Variants in WNK2 observed in about 807,000 individuals in gnomAD.
WNK2 encodes WNK lysine deficient protein kinase 2, also known as serine/threonine-protein kinase WNK2.
WNK2 carries 67 observed loss-of-function variants against 192.1 expected under a neutral mutation model. The observed-to-expected ratio is 0.35, with a 90% CI of 0.29 to 0.43. The LOEUF (loss-of-function observed/expected upper bound fraction) is 0.43, where lower values mean the gene tolerates loss of function less well. Among genes scored for constraint, WNK2 ranks in the 20% least tolerant of loss-of-function variants. The pLI is 1.00. For missense variants in WNK2, 2,698 were observed against 3,089.7 expected (o/e 0.87, Z 3.01); for synonymous variants, 1,439 against 1,393.9 (o/e 1.03, Z -0.72).
intron 19 of WNK2, among the ~76,000 whole-genome samples, chr9:93,279,219 A>G (rs540765815): frequency 6.6e-6 from 1 of 152,370 alleles, no homozygotes; most frequent in East Asian, 1.9e-4. Context: ...TAGAAAAACA[A>G]ATGGAATCCC....
At chr9:93,293,781 C>G (rs556762570) in intron 23 of WNK2, among the ~76,000 whole-genome samples, 1 of 152,224 alleles carries the variant, frequency 6.6e-6, no homozygotes. Context: ...GTGTCTTCCT[C>G]ACCCTGTCTG....
intron 12 of WNK2, among the ~76,000 whole-genome samples, chr9:93,260,426 C>G (rs1357947278): frequency 6.6e-6 from 1 of 152,190 alleles, no homozygotes; most frequent in Non-Finnish European, 1.5e-5. Flanking sequence ...CTCCTCCTAC[C>G]TGGCCTTACC....
At chr9:93,201,953 T>A (rs1218441253) in intron 2 of WNK2, among the ~76,000 whole-genome samples, 1 of 152,164 alleles carries the variant, frequency 6.6e-6, no homozygotes, top group Non-Finnish European at 1.5e-5. Flanking sequence ...TGGAGCTCCT[T>A]GGGGCCTGGC....
At chr9:93,303,534 G>C (rs112437836) in intron 26 of WNK2, among the ~76,000 whole-genome samples, 79 of 152,324 alleles carry the variant, frequency 5.2e-4, no homozygotes, top group African/African-American at 1.7e-3. Flanking sequence ...GGTGGGGAGA[G>C]AGTGCATGCT....
chr9:93,234,388 C>T (rs965651888), intron 4 of WNK2, among the ~76,000 whole-genome samples: 2 of 152,156 alleles, frequency 1.3e-5, no homozygotes, highest in South Asian at 2.1e-4. Flanking sequence ...TAGGTAGCTC[C>T]GTAGCAACCC....
chr9:93,317,433 G>A, intron 28 of WNK2, 87 bp from the exon 29 acceptor site: 1 of 1,341,938 alleles, frequency 7.5e-7, no homozygotes, highest in Non-Finnish European at 1.0e-6. Context: ...TGAGGATGGA[G>A]AAACTGTGGC....
intron 28 of WNK2, chr9:93,315,975 C>A (rs1411466959): frequency 6.6e-6 from 1 of 152,070 alleles, no homozygotes; most frequent in Admixed American, 6.6e-5. Flanking sequence ...CAAATGAACT[C>A]TTGAGTATAT....
chr9:93,195,724 A>AAAAAAAAAAAAAG (rs1831151062), intron 2 of WNK2, among the ~76,000 whole-genome samples: 1 of 147,254 alleles, frequency 6.8e-6, no homozygotes. Flanking sequence ...AAAAAAAAAA[A>AAAAAAAAAAAAAG]GATGTTGCTG....
At position 93,317,554 on chromosome 9, in the gene WNK2, G is replaced by T; in HGVS notation, c.6551G>T (p.Arg2184Leu). ...CCTCGAGCAGGAGTGGGGATGCCAC[G>T]TCTGCCCCCAGCGCCCGGCCCTCTG... ...TAPRAGVGMP[R>L]LPPAPGPLST... The change falls in exon 29 of 30, where the codon CGT becomes CTT. Residue 2184 changes from arginine (R) to leucine (L), a missense_variant. Arg to Leu is a moderately radical substitution (Grantham distance 102). This residue lies in a region of WNK2 where 167 missense variants were observed against 184.2 expected (regional missense o/e 0.91). Transcript: ENST00000427277. The T allele has an allele frequency of 1.9e-6, 3 of 1,613,588 alleles. No individual in the cohort carries two copies. In the South Asian group the frequency reaches 3.3e-5, roughly 18 times the overall value.
rs1831255767 is a variant in WNK2 at position 93,196,236 on chromosome 9, A to G, written c.681+10626A>G. On this transcript the variant is annotated intron_variant, in intron 2 of 29. Coordinates refer to ENST00000427277, the MANE Select transcript of WNK2 (RefSeq NM_006648.4). ...CTCCCTCTGGTATTCACTCTCCCCA[A>G]TCCGCCCCTCACCCCTGCTTTCTGG... Among the ~76,000 whole-genome samples, 6 of 151,938 alleles carry G rather than the reference A, an allele frequency of 3.9e-5. No individual in the cohort carries two copies. The South Asian group carries it at 6.3e-4, about 16-fold the overall frequency.
At chr9:93,190,227 G>A (rs1199016485) in intron 2 of WNK2, among the ~76,000 whole-genome samples, 3 of 152,226 alleles carry the variant, frequency 2.0e-5, no homozygotes, top group Non-Finnish European at 2.9e-5. Flanking sequence ...AGAAATGTGG[G>A]CGCCAAGCTC....
chr9:93,281,955 C>A (rs1319911137), intron 19 of WNK2, among the ~76,000 whole-genome samples: 1 of 152,004 alleles, frequency 6.6e-6, no homozygotes, highest in East Asian at 1.9e-4. Context: ...CTTCACAGCT[C>A]AATTAAAGAA....
chr9:93,255,530 G>A (rs1588213797), intron 9 of WNK2, among the ~76,000 whole-genome samples: 2 of 152,132 alleles, frequency 1.3e-5, no homozygotes, highest in African/African-American at 4.8e-5. Flanking sequence ...AGCACCCACC[G>A]CGAAAGACAA....
rs1828837051 is a variant in WNK2, at chr9:93,184,205, G to C, written c.-183G>C. ...GCGCGAAGCCGGCAGGAGCACGCGG[G>C]AGCGCGGCCCCGCAGTGGCCCGGCC... On this transcript the variant is annotated 5_prime_UTR_variant, in exon 1 of 30. Coordinates refer to ENST00000427277, the MANE Select transcript of WNK2 (RefSeq NM_006648.4). Among the ~76,000 whole-genome samples, 2 of 150,220 alleles carry C rather than the reference G, an allele frequency of 1.3e-5. No homozygotes were observed. Among genetic ancestry groups the C allele is most frequent in the Non-Finnish European group, 1.5e-5 (1 of 67,354 alleles).
chr9:93,308,789 G>A, intron 28 of WNK2: 1 of 1,424,276 alleles, frequency 7.0e-7, no homozygotes, highest in Non-Finnish European at 9.1e-7. Flanking sequence ...TCCGCAGCTG[G>A]CAGGTGGAAA....
At chr9:93,272,465 T>C (rs112772075) in intron 19 of WNK2, among the ~76,000 whole-genome samples, 91 of 152,242 alleles carry the variant, frequency 6.0e-4, no homozygotes, top group African/African-American at 1.9e-3. Flanking sequence ...AGGCCGAGCA[T>C]GGTGGCTCAT....
chr9:93,213,211 G>A (rs575363227), intron 2 of WNK2, among the ~76,000 whole-genome samples: 13 of 152,144 alleles, frequency 8.5e-5, no homozygotes, highest in Non-Finnish European at 1.9e-4. Context: ...TGGGAACCCC[G>A]GGCTCTGAAG....
chr9:93,259,524 G>GC lies in WNK2; in HGVS notation c.2981dup (p.Gln995AlafsTer9). On this transcript the variant is annotated frameshift_variant, in exon 12 of 30. Coordinates refer to ENST00000427277, the MANE Select transcript of WNK2 (RefSeq NM_006648.4). LOFTEE classifies it high-confidence loss of function. This position sits in a 1 kb window ranked among gnomAD's most constrained non-coding sequence, Gnocchi z 4.8. ...CCATGCTGCCCCCACAACCTGTGCT[G>GC]CCCCCGCAGCCGGCACTGCCTGTGC... The GC allele has an allele frequency of 6.3e-7, 1 of 1,576,442 alleles. No individual in the cohort carries two copies. Among genetic ancestry groups the GC allele is most frequent in the Non-Finnish European group, 8.5e-7 (1 of 1,169,864 alleles).
chr9:93,316,284 A>G (rs949259892), intron 28 of WNK2: 2 of 152,084 alleles, frequency 1.3e-5, no homozygotes, highest in Non-Finnish European at 2.9e-5. Flanking sequence ...TAATATTTCC[A>G]TATGTTTTAG....
Sources: gnomAD v4.1 joint callset for allele counts (sites outside exome capture counted in the v4.1 genomes callset) on GRCh38, gnomAD v4.1.1 for gene constraint, gnomAD v4.1.1 regional missense constraint, Gnocchi (gnomAD v3.1) non-coding constraint, MANE v1.5 for transcripts, NCBI Gene and HGNC (gene_info 2026-07-23, HGNC 2026-07-21) for gene names.